GLDC: variants seen among roughly 807,000 people sequenced by gnomAD.
GLDC encodes glycine decarboxylase, also known as glycine dehydrogenase (decarboxylating), mitochondrial.
Under a neutral mutation model 121.3 loss-of-function variants are expected in GLDC, and 104 were observed. The ratio of observed to expected loss-of-function variants is 0.86; its 90% CI spans 0.73 to 1.01. The LOEUF is 1.01. Ranked by LOEUF, GLDC falls within the 50% of genes least tolerant of loss-of-function variation. GLDC has a pLI of 0.00. For missense variants in GLDC, 1,429 were observed against 1,306.6 expected (o/e 1.09, Z -1.44); for synonymous variants, 546 against 480.6 (o/e 1.14, Z -1.78).
intron 2 of GLDC, among the ~76,000 whole-genome samples, chr9:6,634,487 C>G (rs1156607926): frequency 6.6e-6 from 1 of 152,002 alleles, no homozygotes. Flanking sequence ...TGAGATCGCA[C>G]CACCGCACTT....
At chr9:6,547,087 C>T (rs1448365002) in intron 21 of GLDC, among the ~76,000 whole-genome samples, 1 of 152,090 alleles carries the variant, frequency 6.6e-6, no homozygotes, top group Non-Finnish European at 1.5e-5. Flanking sequence ...TACTTTTAGA[C>T]AACCCGCCTC....
chr9:6,591,341 C>T (rs542903518), intron 11 of GLDC, among the ~76,000 whole-genome samples: 1 of 152,290 alleles, frequency 6.6e-6, no homozygotes, highest in Admixed American at 6.5e-5. Context: ...GCTCCCAGAA[C>T]ATCTTCACAC....
chr9:6,577,301 G>A, intron 15 of GLDC, among the ~76,000 whole-genome samples: 1 of 152,192 alleles, frequency 6.6e-6, no homozygotes, highest in East Asian at 1.9e-4. Context: ...AGTTTGAACT[G>A]GGTGCCCTGG....
intron 23 of GLDC, among the ~76,000 whole-genome samples, chr9:6,535,714 A>G (rs1217419006): frequency 1.3e-5 from 2 of 152,222 alleles, no homozygotes; most frequent in South Asian, 2.1e-4. Context: ...CTCAGAGATA[A>G]CTGCTCTAAT....
intron 15 of GLDC, among the ~76,000 whole-genome samples, chr9:6,585,527 T>G (rs1255025874): frequency 6.6e-6 from 1 of 151,960 alleles, no homozygotes; most frequent in Non-Finnish European, 1.5e-5. Flanking sequence ...CACTGTATCC[T>G]TTCATTGCCA....
At chr9:6,545,861 G>A (rs1028831661) in intron 21 of GLDC, among the ~76,000 whole-genome samples, 1 of 152,044 alleles carries the variant, frequency 6.6e-6, no homozygotes, top group African/African-American at 2.4e-5. Flanking sequence ...GGCTGGTCTC[G>A]AACTCCTGAG....
intron 11 of GLDC, among the ~76,000 whole-genome samples, chr9:6,589,645 A>G (rs545376359): frequency 6.6e-6 from 1 of 152,202 alleles, no homozygotes; most frequent in East Asian, 1.9e-4. Flanking sequence ...CAGGCTGGTC[A>G]CAAACTCCTG....
chr9:6,588,767 GAC>G (rs752180503), intron 12 of GLDC, 65 bp from the exon 13 acceptor site: 173 of 919,790 alleles, frequency 1.9e-4, no homozygotes, highest in Non-Finnish European at 2.9e-4. Context: ...ACATCCTCCT[GAC>G]ATATAAGACA....
intron 15 of GLDC, among the ~76,000 whole-genome samples, chr9:6,570,185 C>T (rs990790228): frequency 1.8e-4 from 27 of 152,132 alleles, no homozygotes; most frequent in African/African-American, 6.5e-4. Context: ...CACCAAAACT[C>T]CCACTGAATC....
At chr9:6,545,948 AC>A (rs1415702404) in intron 21 of GLDC, among the ~76,000 whole-genome samples, 1 of 152,040 alleles carries the variant, frequency 6.6e-6, no homozygotes, top group Non-Finnish European at 1.5e-5. Flanking sequence ...GCGTACTGTA[AC>A]TTTTTTACTT....
Position 6,617,437 on chromosome 9 carries a change from T to G in GLDC, c.470+2747A>C, listed in dbSNP as rs1818987416. 2.0e-5 allele frequency among the ~76,000 whole-genome samples: 3 copies of G among 152,112 alleles called. No individual in the cohort carries two copies. The South Asian group carries it at 6.2e-4, about 32-fold the overall frequency. On this transcript the variant is annotated intron_variant, in intron 3 of 24. Transcript: ENST00000321612. Reference sequence around the variant, plus strand: ...CTGGCCAGTATTCAGATGGCTGGAATGCTGCAGCCCGTTCATGTACTTTTG... The same window carrying G: ...CTGGCCAGTATTCAGATGGCTGGAAGGCTGCAGCCCGTTCATGTACTTTTG...
intron 15 of GLDC, among the ~76,000 whole-genome samples, chr9:6,570,158 T>C (rs1330718291): frequency 6.6e-6 from 1 of 152,244 alleles, no homozygotes; most frequent in Non-Finnish European, 1.5e-5. Flanking sequence ...TAATAATTTA[T>C]GGTGAACACC....
At chr9:6,622,194 C>T (rs891702940) in intron 2 of GLDC, among the ~76,000 whole-genome samples, 97 of 123,082 alleles carry the variant, frequency 7.9e-4, no homozygotes, top group Middle Eastern at 3.9e-3. Context: ...ACACACACTC[C>T]GCACTCCACA....
At chr9:6,561,547 G>A (rs1347435967) in intron 16 of GLDC, among the ~76,000 whole-genome samples, 1 of 152,148 alleles carries the variant, frequency 6.6e-6, no homozygotes, top group Non-Finnish European at 1.5e-5. Context: ...TACTTGGGAG[G>A]CTGAGGCATG....
At chr9:6,564,051 T>A (rs1425451518) in intron 16 of GLDC, among the ~76,000 whole-genome samples, 1 of 151,920 alleles carries the variant, frequency 6.6e-6, no homozygotes, top group East Asian at 1.9e-4. Context: ...AGTTCGAGAC[T>A]AGCCTGATCA....
chr9:6,544,846 T>C (rs1817353161), intron 21 of GLDC, among the ~76,000 whole-genome samples: 1 of 152,142 alleles, frequency 6.6e-6, no homozygotes, highest in Non-Finnish European at 1.5e-5. Flanking sequence ...ACACCTGTAA[T>C]CCCAGCACTT....
chr9:6,540,805 A>T (rs944168548), intron 21 of GLDC: 4 of 152,498 alleles, frequency 2.6e-5, no homozygotes, highest in African/African-American at 9.6e-5. Context: ...TACCAATGAC[A>T]TATCCCTTAT....
At chr9:6,567,209 G>C (rs544506053) in intron 15 of GLDC, 1 of 152,028 alleles carries the variant, frequency 6.6e-6, no homozygotes, top group African/African-American at 2.4e-5. Flanking sequence ...CTCGTCACCC[G>C]CACTGAGTCA....
intron 15 of GLDC, among the ~76,000 whole-genome samples, chr9:6,578,139 T>TC (rs1266137860): frequency 6.6e-6 from 1 of 151,952 alleles, no homozygotes; most frequent in Non-Finnish European, 1.5e-5. Flanking sequence ...TCTTTTTTTT[T>TC]CGAGACAGGA....
Sources: allele counts gnomAD v4.1 joint callset (sites outside exome capture counted in the v4.1 genomes callset), GRCh38; gene constraint gnomAD v4.1.1; transcripts MANE v1.5; gene names NCBI Gene and HGNC (gene_info 2026-07-23, HGNC 2026-07-21).